SMYD3: variants seen among roughly 807,000 people sequenced by gnomAD.
The protein encoded by SMYD3 is histone-lysine N-methyltransferase SMYD3.
Under a neutral mutation model 57.7 loss-of-function variants are expected in SMYD3, and 36 were observed. The ratio of observed to expected loss-of-function variants is 0.62; its 90% CI spans 0.48 to 0.82. The LOEUF (loss-of-function observed/expected upper bound fraction) is 0.82, where lower values mean the gene tolerates loss of function less well. SMYD3 is among the 40% of genes least tolerant of loss of function. The pLI, the probability that SMYD3 is intolerant of heterozygous loss-of-function variation, is 0.00. For synonymous variants in SMYD3, 211 were observed against 195.0 expected, an observed-to-expected ratio of 1.08 and a Z score of -0.68; for missense variants, 515 against 538.8, an observed-to-expected ratio of 0.96 and a Z score of 0.44.
intron 8 of SMYD3, among the ~76,000 whole-genome samples, chr1:245,877,134 G>A (rs1448956500): frequency 6.6e-6 from 1 of 152,218 alleles, no homozygotes; most frequent in Non-Finnish European, 1.5e-5. Context: ...TGCATGGCAG[G>A]GCGGCGCTGC....
intron 5 of SMYD3, among the ~76,000 whole-genome samples, chr1:246,159,452 G>A (rs1345449434): frequency 6.6e-6 from 1 of 152,068 alleles, no homozygotes; most frequent in Non-Finnish European, 1.5e-5. Context: ...TTCCCCAGAA[G>A]CCCTGCCCAT....
At chr1:245,798,500 A>ACC (rs1299644085) in intron 10 of SMYD3, among the ~76,000 whole-genome samples, 1 of 135,282 alleles carries the variant, frequency 7.4e-6, no homozygotes, top group Non-Finnish European at 1.6e-5. Context: ...ACACACACAC[A>ACC]CACACCTTGA....
intron 5 of SMYD3, among the ~76,000 whole-genome samples, chr1:246,143,211 C>A (rs375275653): frequency 1.3e-5 from 2 of 151,656 alleles, no homozygotes; most frequent in East Asian, 3.9e-4. Flanking sequence ...GGTCTTGGGA[C>A]CTGCTTAAAG....
intron 1 of SMYD3, among the ~76,000 whole-genome samples, chr1:246,415,943 G>A (rs772379032): frequency 1.3e-5 from 2 of 152,108 alleles, no homozygotes; most frequent in Non-Finnish European, 2.9e-5. Flanking sequence ...ATACATGTAC[G>A]TAGAAACTCC....
chr1:245,869,376 G>C (rs2052049108), intron 8 of SMYD3, among the ~76,000 whole-genome samples: 1 of 152,150 alleles, frequency 6.6e-6, no homozygotes, highest in African/African-American at 2.4e-5. Flanking sequence ...ATGACCCCGG[G>C]CAAGTCTTCC....
chr1:246,394,266 T>C (rs995038431), intron 1 of SMYD3, among the ~76,000 whole-genome samples: 20 of 152,308 alleles, frequency 1.3e-4, no homozygotes, highest in Non-Finnish European at 2.9e-5. Flanking sequence ...AATGTAAGTA[T>C]TCATTTCCTT....
At chr1:245,818,264 T>G (rs960978371) in intron 10 of SMYD3, among the ~76,000 whole-genome samples, 2 of 152,204 alleles carry the variant, frequency 1.3e-5, no homozygotes, top group African/African-American at 4.8e-5. Context: ...AAAAGAATTT[T>G]CAACCCAGAA....
chr1:245,907,230 G>A (rs1018468839), intron 8 of SMYD3, among the ~76,000 whole-genome samples: 79 of 152,258 alleles, frequency 5.2e-4, no homozygotes, highest in Admixed American at 1.2e-3. Flanking sequence ...CGGATCGTTT[G>A]TAACTCAAAG....
intron 5 of SMYD3, among the ~76,000 whole-genome samples, chr1:246,000,925 C>T (rs189330953): frequency 4.6e-5 from 7 of 152,282 alleles, no homozygotes; most frequent in African/African-American, 1.4e-4. Context: ...CCACATAGAT[C>T]GAAAGTCTAG....
intron 5 of SMYD3, among the ~76,000 whole-genome samples, chr1:245,995,604 G>A (rs879764617): frequency 7.9e-5 from 12 of 152,208 alleles, no homozygotes; most frequent in Admixed American, 5.2e-4. Flanking sequence ...GTGCCTCAGG[G>A]GAGGCATGTG....
chr1:246,088,824 T>C (rs1379356164), intron 5 of SMYD3, among the ~76,000 whole-genome samples: 2 of 132,954 alleles, frequency 1.5e-5, no homozygotes, highest in Non-Finnish European at 3.6e-5. Context: ...ATAATTTGTA[T>C]AGGAAGATGG....
At chr1:246,502,776 C>G (rs1395370200) in intron 1 of SMYD3, among the ~76,000 whole-genome samples, 1 of 152,206 alleles carries the variant, frequency 6.6e-6, no homozygotes. Flanking sequence ...CTGGTCCCAT[C>G]TCATCTTTTA....
intron 5 of SMYD3, among the ~76,000 whole-genome samples, chr1:246,278,148 G>T (rs1418591794): frequency 2.0e-5 from 3 of 152,026 alleles, no homozygotes; most frequent in African/African-American, 7.3e-5. Flanking sequence ...TCGGCCTGGA[G>T]GCCCACAAGT....
intron 1 of SMYD3, among the ~76,000 whole-genome samples, chr1:246,487,324 G>A (rs1339242047): frequency 6.6e-6 from 1 of 152,062 alleles, no homozygotes; most frequent in Non-Finnish European, 1.5e-5. Context: ...GTGCGCACCT[G>A]TAATCCCAGC....
intron 5 of SMYD3, among the ~76,000 whole-genome samples, chr1:246,300,106 T>C (rs1172975000): frequency 1.3e-5 from 2 of 152,132 alleles, no homozygotes; most frequent in East Asian, 3.8e-4. Context: ...GGTATGCATG[T>C]AGCTGTGTAT....
intron 5 of SMYD3, among the ~76,000 whole-genome samples, chr1:246,210,712 A>C (rs10924552): frequency 0.37 from 56,556 of 151,618 alleles, 11,422 homozygotes; most frequent in East Asian, 0.55. Flanking sequence ...CTAAAAAAAA[A>C]AAAACAAAAA....
At chr1:246,288,289 G>A (rs576970272) in intron 5 of SMYD3, among the ~76,000 whole-genome samples, 1 of 152,004 alleles carries the variant, frequency 6.6e-6, no homozygotes, top group East Asian at 1.9e-4. Flanking sequence ...GGTCAGGCTG[G>A]TCTTGAACTC....
rs78390643 is a variant in SMYD3, at chr1:246,323,169, C to T, written c.531+4032G>A. On this transcript the variant is annotated intron_variant, in intron 5 of 11. Coordinates refer to ENST00000490107, the MANE Select transcript of SMYD3 (RefSeq NM_001167740.2). ...TTCCTCCTTCCTATGGCTCATGTTACTCAGTTTTTACAGCCAGGCAACAAA... is the reference window on the plus strand; with the variant it reads ...TTCCTCCTTCCTATGGCTCATGTTATTCAGTTTTTACAGCCAGGCAACAAA... 4.3e-3 allele frequency among the ~76,000 whole-genome samples: 653 copies of T among 152,292 alleles called. 7 individuals are homozygous for T. The highest frequency in any genetic ancestry group is 0.015 in the African/African-American group (615 of 41,566).
intron 1 of SMYD3, among the ~76,000 whole-genome samples, chr1:246,472,829 T>C (rs537064421): frequency 6.7e-6 from 1 of 150,146 alleles, no homozygotes; most frequent in Admixed American, 6.7e-5. Flanking sequence ...TTTCAGGGAG[T>C]CTCCCGCAGT....
Sources: allele counts gnomAD v4.1 joint callset (sites outside exome capture counted in the v4.1 genomes callset), GRCh38; gene constraint gnomAD v4.1.1; transcripts MANE v1.5; gene names NCBI Gene and HGNC (gene_info 2026-07-23, HGNC 2026-07-21).